COG5: variants seen among roughly 807,000 people sequenced by gnomAD.
COG5 encodes conserved oligomeric Golgi complex subunit 5.
Under a neutral mutation model 110.4 loss-of-function variants are expected in COG5, and 86 were observed. The ratio of observed to expected loss-of-function variants is 0.78; its 90% CI spans 0.65 to 0.93. The LOEUF is 0.93. Among genes scored for constraint, COG5 ranks in the 40% least tolerant of loss-of-function variants. COG5 has a pLI of 0.00. For missense variants in COG5, 1,077 were observed against 987.0 expected, an observed-to-expected ratio of 1.09 and a Z score of -1.22; for synonymous variants, 360 against 334.6, an observed-to-expected ratio of 1.08 and a Z score of -0.83.
intron 17 of COG5, among the ~76,000 whole-genome samples, chr7:107,246,193 A>C (rs1037348976): frequency 8.5e-5 from 13 of 152,184 alleles, no homozygotes; most frequent in Non-Finnish European, 1.8e-4. Context: ...CCCCTTCCTT[A>C]CACCATACAC....
intron 1 of COG5, chr7:107,563,519 C>A: frequency 2.1e-6 from 1 of 467,068 alleles, no homozygotes; most frequent in African/African-American, 2.1e-5. Context: ...TTTGGGCTCC[C>A]GAAACTTCAG....
chr7:107,421,948 A>C (rs1028973457), intron 6 of COG5, among the ~76,000 whole-genome samples: 1 of 152,214 alleles, frequency 6.6e-6, no homozygotes, highest in Non-Finnish European at 1.5e-5. Flanking sequence ...GATGCAACCA[A>C]CGCAGCAGTT....
intron 6 of COG5, among the ~76,000 whole-genome samples, chr7:107,507,357 A>T (rs1799096935): frequency 6.8e-6 from 1 of 148,074 alleles, no homozygotes; most frequent in Non-Finnish European, 1.5e-5. Flanking sequence ...GCAGTGGTGC[A>T]ATCTCCGCTC....
intron 5 of COG5, among the ~76,000 whole-genome samples, chr7:107,545,696 C>T (rs1411271849): frequency 1.4e-5 from 2 of 145,684 alleles, no homozygotes; most frequent in Admixed American, 1.4e-4. Context: ...AGAAGAATGG[C>T]TTGAACCTGG....
chr7:107,427,099 A>T (rs577790312), intron 6 of COG5, among the ~76,000 whole-genome samples: 1 of 152,194 alleles, frequency 6.6e-6, no homozygotes, highest in Non-Finnish European at 1.5e-5. Context: ...ACAAAAATCA[A>T]TTCCTCTGGT....
At chr7:107,454,076 T>C (rs779344781) in intron 6 of COG5, among the ~76,000 whole-genome samples, 6 of 152,082 alleles carry the variant, frequency 3.9e-5, no homozygotes, top group Admixed American at 6.6e-5. Flanking sequence ...TAATTCAATA[T>C]GACAAAAGCA....
chr7:107,482,808 T>G (rs1406069794), intron 6 of COG5, among the ~76,000 whole-genome samples: 1 of 152,196 alleles, frequency 6.6e-6, no homozygotes. Flanking sequence ...CCATAAACTG[T>G]TATGTACTTC....
chr7:107,270,267 T>C (rs1562943348), intron 14 of COG5, among the ~76,000 whole-genome samples: 1 of 151,882 alleles, frequency 6.6e-6, no homozygotes, highest in Non-Finnish European at 1.5e-5. Flanking sequence ...GCTTTTTTTT[T>C]TTTTTTTTCT....
chr7:107,531,895 A>G (rs973774316), intron 5 of COG5, among the ~76,000 whole-genome samples: 4 of 152,144 alleles, frequency 2.6e-5, no homozygotes, highest in African/African-American at 9.7e-5. Context: ...AGCCTATTCA[A>G]GTCAGTTCCT....
At chr7:107,540,833 A>C (rs1563090723) in intron 5 of COG5, among the ~76,000 whole-genome samples, 1 of 152,030 alleles carries the variant, frequency 6.6e-6, no homozygotes, top group Non-Finnish European at 1.5e-5. Context: ...CAAACCTAGA[A>C]ATAATAAAGA....
At chr7:107,531,685 G>A (rs1324503038) in intron 5 of COG5, among the ~76,000 whole-genome samples, 2 of 100,698 alleles carry the variant, frequency 2.0e-5, no homozygotes, top group African/African-American at 7.2e-5. Context: ...TTTTTTTTTT[G>A]ATATCATTAT....
chr7:107,562,989 T>C (rs1804009995), intron 1 of COG5, among the ~76,000 whole-genome samples: 1 of 152,182 alleles, frequency 6.6e-6, no homozygotes, highest in Non-Finnish European at 1.5e-5. Context: ...ATGATTTTAG[T>C]ACAAGGTAGA....
chr7:107,249,341 T>C (rs1441627527), intron 16 of COG5, among the ~76,000 whole-genome samples: 1 of 152,036 alleles, frequency 6.6e-6, no homozygotes. Flanking sequence ...TCTTACGGAA[T>C]ACAGAACAGC....
intron 17 of COG5, among the ~76,000 whole-genome samples, chr7:107,246,890 A>T (rs894011455): frequency 9.9e-5 from 15 of 152,226 alleles, no homozygotes. Flanking sequence ...GAGGAATATA[A>T]ATCATTCTAC....
intron 11 of COG5, among the ~76,000 whole-genome samples, chr7:107,304,703 C>T (rs1807562806): frequency 1.3e-5 from 2 of 152,138 alleles, no homozygotes; most frequent in Admixed American, 6.5e-5. Flanking sequence ...CGCTGCTTCT[C>T]CTGCATCTCC....
intron 19 of COG5, among the ~76,000 whole-genome samples, chr7:107,227,453 T>G (rs1175039266): frequency 6.6e-6 from 1 of 152,136 alleles, no homozygotes; most frequent in Non-Finnish European, 1.5e-5. Context: ...GATCAAGCGA[T>G]TCTTGATTCT....
chr7:107,289,201 T>C (rs2116854456), intron 12 of COG5, among the ~76,000 whole-genome samples: 1 of 151,972 alleles, frequency 6.6e-6, no homozygotes, highest in South Asian at 2.1e-4. Context: ...GTATATGATG[T>C]GAAGGGCACC....
At chr7:107,538,569 G>A (rs1161042449) in intron 5 of COG5, among the ~76,000 whole-genome samples, 3 of 151,908 alleles carry the variant, frequency 2.0e-5, no homozygotes, top group Admixed American at 6.6e-5. Context: ...TCAAGACAAC[G>A]ATGCCACTTC....
rs751139090 is a variant in COG5, at chr7:107,365,463, A to T, written c.836-3043T>A. Among the ~76,000 whole-genome samples the T allele has an allele frequency of 1.5e-4, 23 of 152,048 alleles. 1 individual carries two copies. The highest frequency in any genetic ancestry group is 3.2e-4 in the Non-Finnish European group (22 of 67,956). On this transcript the variant is annotated intron_variant, in intron 8 of 21. Coordinates refer to ENST00000297135, the MANE Select transcript of COG5 (RefSeq NM_006348.5). The stretch of plus-strand genomic sequence containing the variant: ...GAAGGAACCAGAGAGATGACACCTT[A>T]GATCATTAGGAAGAAGTAAATTGCT...
Sources: gnomAD v4.1 joint callset for allele counts (sites outside exome capture counted in the v4.1 genomes callset) on GRCh38, gnomAD v4.1.1 for gene constraint, MANE v1.5 for transcripts, NCBI Gene and HGNC (gene_info 2026-07-23, HGNC 2026-07-21) for gene names.